Variants in DLG2 observed in about 807,000 individuals in gnomAD.
DLG2 encodes disks large homolog 2.
Under a neutral mutation model 132.5 loss-of-function variants are expected in DLG2, and 45 were observed. The observed-to-expected ratio is 0.34, with a 90% CI of 0.27 to 0.44. The LOEUF (loss-of-function observed/expected upper bound fraction) is 0.44. DLG2 is among the 20% of genes least tolerant of loss of function. The probability of loss-of-function intolerance (pLI) is 1.00; values close to 1 mark genes in which losing one functional copy is unlikely to be tolerated. For synonymous variants in DLG2, 424 were observed against 419.6 expected (o/e 1.01, Z -0.13); for missense variants, 1,045 against 1,196.9 (o/e 0.87, Z 1.87).
intron 4 of DLG2, among the ~76,000 whole-genome samples, chr11:85,214,435 T>C (rs1356843125): frequency 6.6e-6 from 1 of 151,974 alleles, no homozygotes; most frequent in East Asian, 1.9e-4. Context: ...CAACTTCATA[T>C]GCAATTCTTA....
intron 6 of DLG2, 67 bp downstream of exon 6, chr11:85,111,594 T>G: frequency 7.4e-7 from 1 of 1,348,208 alleles, no homozygotes; most frequent in South Asian, 1.4e-5. Context: ...CTCATTCCAC[T>G]AAGATTATTC....
Position 84,104,552 on chromosome 11 carries a change from C to T in DLG2, c.625-5505G>A, listed in dbSNP as rs576267497. On this transcript the variant is annotated intron_variant, in intron 9 of 27. Transcript: ENST00000376104. ...GATATAACTTTTTAATAAATGTGCA[C>T]ATGAACCCCCAGAATCTAAAAGTTA... Among the ~76,000 whole-genome samples, 3 of 152,128 alleles carry T rather than the reference C, an allele frequency of 2.0e-5. No homozygotes were observed. The East Asian group carries it at 5.8e-4, about 29-fold the overall frequency.
chr11:85,132,857 A>G (rs2075836546), intron 5 of DLG2: 1 of 456,600 alleles, frequency 2.2e-6, no homozygotes, highest in Non-Finnish European at 4.4e-6. Flanking sequence ...AGCAAAGGTG[A>G]GAAAAGCCTT....
intron 6 of DLG2, among the ~76,000 whole-genome samples, chr11:84,919,635 G>A (rs915829329): frequency 2.6e-5 from 4 of 152,078 alleles, no homozygotes; most frequent in African/African-American, 4.8e-5. Flanking sequence ...CATATTTCAG[G>A]GATTGTGGTT....
chr11:85,231,226 G>A (rs2075283145), intron 4 of DLG2, among the ~76,000 whole-genome samples: 1 of 151,900 alleles, frequency 6.6e-6, no homozygotes, highest in Non-Finnish European at 1.5e-5. Flanking sequence ...AAAAGTTATG[G>A]AGGCTTTTTT....
At chr11:83,926,776 A>G (rs953917517) in intron 15 of DLG2, among the ~76,000 whole-genome samples, 4 of 152,134 alleles carry the variant, frequency 2.6e-5, no homozygotes, top group African/African-American at 9.6e-5. Context: ...TATGTTATTC[A>G]AGAACACAGA....
At chr11:84,554,269 A>T (rs532256795) in intron 6 of DLG2, among the ~76,000 whole-genome samples, 1 of 152,332 alleles carries the variant, frequency 6.6e-6, no homozygotes, top group Non-Finnish European at 1.5e-5. Context: ...GGCAGTTTTT[A>T]ACCCTAAAAA....
intron 17 of DLG2, among the ~76,000 whole-genome samples, chr11:83,796,541 C>T (rs1343689209): frequency 6.6e-6 from 1 of 152,124 alleles, no homozygotes; most frequent in African/African-American, 2.4e-5. Context: ...TCAGGGAATT[C>T]TCCTTCCCTA....
intron 6 of DLG2, among the ~76,000 whole-genome samples, chr11:85,105,990 A>G (rs1451013940): frequency 2.5e-5 from 2 of 80,236 alleles, no homozygotes; most frequent in African/African-American, 7.4e-5. Context: ...AACTACCAAA[A>G]AAAGAAAAAA....
rs1253592204 is a variant in DLG2 at position 84,714,627 on chromosome 11, C to CTT, written c.358-179897_358-179896insAA. Among the ~76,000 whole-genome samples, 662 of 107,154 alleles carry CTT rather than the reference C, an allele frequency of 6.2e-3. 10 individuals are homozygous for CTT. Among genetic ancestry groups the CTT allele is most frequent in the African/African-American group, 0.023 (560 of 23,940 alleles). The allele number at this position is 107,154 out of a possible 152,430, so 70.3% of individuals were successfully genotyped here. A position where few individuals can be genotyped will look rare whatever the true frequency, so the allele number is the denominator to read the frequency against. ...TCTTTCTCTTTCTCTTTCTCTTTCT[C>CTT]TCTCTCTCTCTCTCTCTCTTTCTCT... On this transcript the variant is annotated intron_variant, in intron 6 of 27. Coordinates refer to ENST00000376104, the MANE Select transcript of DLG2 (RefSeq NM_001142699.3).
intron 14 of DLG2, among the ~76,000 whole-genome samples, chr11:83,946,749 A>T (rs1314599309): frequency 6.6e-6 from 1 of 152,052 alleles, no homozygotes; most frequent in Non-Finnish European, 1.5e-5. Flanking sequence ...ACACGTGCAC[A>T]TACACATAAT....
intron 7 of DLG2, among the ~76,000 whole-genome samples, chr11:84,354,418 C>T (rs771442060): frequency 6.6e-6 from 1 of 152,158 alleles, no homozygotes; most frequent in Non-Finnish European, 1.5e-5. Flanking sequence ...TTTTCTCCTA[C>T]TATGTTCAGC....
intron 6 of DLG2, among the ~76,000 whole-genome samples, chr11:84,768,499 T>A (rs1371574184): frequency 1.3e-5 from 2 of 152,156 alleles, no homozygotes; most frequent in East Asian, 3.8e-4. Flanking sequence ...TAGTAATAAC[T>A]GCCTGACTTG....
chr11:85,508,978 T>C (rs2093996834), intron 3 of DLG2, among the ~76,000 whole-genome samples: 1 of 152,090 alleles, frequency 6.6e-6, no homozygotes, highest in Non-Finnish European at 1.5e-5. Flanking sequence ...TTTATTTCAG[T>C]CTTTAATTTA....
At chr11:83,979,409 C>T (rs117158735) in intron 12 of DLG2, among the ~76,000 whole-genome samples, 2,379 of 152,180 alleles carry the variant, frequency 0.016, 39 homozygotes, top group Non-Finnish European at 0.022. Flanking sequence ...TAGACAGATA[C>T]ACTAATCTTA....
chr11:84,876,596 GCTGT>G (rs754206539), intron 6 of DLG2, among the ~76,000 whole-genome samples: 9 of 151,966 alleles, frequency 5.9e-5, no homozygotes, highest in South Asian at 2.1e-4. Context: ...AGTCTGGGTA[GCTGT>G]CTATTTGTTT....
At chr11:85,051,647 C>T (rs472406) in intron 6 of DLG2, among the ~76,000 whole-genome samples, 23,583 of 152,038 alleles carry the variant, frequency 0.16, 2,144 homozygotes, top group South Asian at 0.3. Flanking sequence ...ATTTATAGTG[C>T]GGAGTTGTGA....
chr11:84,908,868 A>G (rs554520828), intron 6 of DLG2, among the ~76,000 whole-genome samples: 1 of 151,474 alleles, frequency 6.6e-6, no homozygotes, highest in South Asian at 2.1e-4. Flanking sequence ...TTTCAACAAA[A>G]TCTTTGTTTA....
At chr11:84,661,776 A>C (rs1004937898) in intron 6 of DLG2, among the ~76,000 whole-genome samples, 25 of 152,142 alleles carry the variant, frequency 1.6e-4, no homozygotes, top group Non-Finnish European at 2.8e-4. Flanking sequence ...CACTTTCCAG[A>C]ATATAGAAAT....
Sources: allele counts gnomAD v4.1 joint callset (sites outside exome capture counted in the v4.1 genomes callset), GRCh38; gene constraint gnomAD v4.1.1; transcripts MANE v1.5; gene names NCBI Gene and HGNC (gene_info 2026-07-23, HGNC 2026-07-21).